PPP1R12B: variants seen among roughly 807,000 people sequenced by gnomAD.
PPP1R12B encodes myosin phosphatase target subunit 2.
In PPP1R12B, 76 loss-of-function variants were observed where a neutral mutation model predicts 126.1. That is an observed-to-expected ratio of 0.60 (90% CI 0.50 to 0.73). The LOEUF (loss-of-function observed/expected upper bound fraction) is 0.73, where lower values mean the gene tolerates loss of function less well. Ranked by LOEUF, PPP1R12B falls within the 30% of genes least tolerant of loss-of-function variation. The pLI is 0.00. For synonymous variants in PPP1R12B, 356 were observed against 434.7 expected (o/e 0.82, Z 2.25); for missense variants, 1,052 against 1,205.1 (o/e 0.87, Z 1.88).
chr1:202,364,973 A>G (rs1445528164), intron 1 of PPP1R12B, among the ~76,000 whole-genome samples: 1 of 152,202 alleles, frequency 6.6e-6, no homozygotes, highest in African/African-American at 2.4e-5. Context: ...CAGCCTCCCA[A>G]AGTGCTGGGA....
chr1:202,533,511 G>C (rs762214404), intron 18 of PPP1R12B, among the ~76,000 whole-genome samples: 3 of 151,948 alleles, frequency 2.0e-5, no homozygotes, highest in Non-Finnish European at 2.9e-5. Flanking sequence ...TAGAGACGGG[G>C]TTTTATGACA....
chr1:202,532,749 C>T (rs1179010308), intron 18 of PPP1R12B, among the ~76,000 whole-genome samples: 2 of 151,370 alleles, frequency 1.3e-5, no homozygotes, highest in Admixed American at 1.3e-4. Context: ...GCCCCTTTCT[C>T]ACTGTAGTGA....
chr1:202,406,766 G>C (rs1666653241), intron 1 of PPP1R12B, among the ~76,000 whole-genome samples: 2 of 152,116 alleles, frequency 1.3e-5, no homozygotes, highest in African/African-American at 4.8e-5. Flanking sequence ...AGTCTGTAAA[G>C]GTGTATCATT....
chr1:202,351,881 T>C (rs1349546607), intron 1 of PPP1R12B, among the ~76,000 whole-genome samples: 1 of 152,210 alleles, frequency 6.6e-6, no homozygotes, highest in Non-Finnish European at 1.5e-5. Flanking sequence ...GGTGCCTTGA[T>C]GCTTCTTTTG....
intron 1 of PPP1R12B, among the ~76,000 whole-genome samples, chr1:202,412,354 G>A (rs1334065057): frequency 6.6e-6 from 1 of 152,174 alleles, no homozygotes; most frequent in Non-Finnish European, 1.5e-5. Flanking sequence ...GAAGAGAACT[G>A]AAGTAGTGAT....
chr1:202,364,663 G>A (rs983915797), intron 1 of PPP1R12B, among the ~76,000 whole-genome samples: 3 of 151,878 alleles, frequency 2.0e-5, no homozygotes, highest in Admixed American at 6.6e-5. Context: ...TGCAAGCTCC[G>A]CCTCCTGGGT....
At chr1:202,355,771 G>A (rs920087696) in intron 1 of PPP1R12B, among the ~76,000 whole-genome samples, 9 of 152,214 alleles carry the variant, frequency 5.9e-5, no homozygotes, top group African/African-American at 2.2e-4. Context: ...AGAAAAAAGT[G>A]TAGTACAATT....
chr1:202,479,752 T>C (rs1677122702), intron 13 of PPP1R12B, among the ~76,000 whole-genome samples: 1 of 152,220 alleles, frequency 6.6e-6, no homozygotes, highest in South Asian at 2.1e-4. Flanking sequence ...ACCAGCAGTG[T>C]CATCTGAACT....
intron 1 of PPP1R12B, among the ~76,000 whole-genome samples, chr1:202,408,475 C>T (rs957458438): frequency 7.2e-5 from 11 of 152,122 alleles, no homozygotes; most frequent in African/African-American, 2.7e-4. Flanking sequence ...TTTTCAGTTA[C>T]TAGTAAGGAT....
intron 1 of PPP1R12B, among the ~76,000 whole-genome samples, chr1:202,351,393 C>T (rs1655978787): frequency 6.6e-6 from 1 of 152,196 alleles, no homozygotes. Flanking sequence ...TGCCCACCAC[C>T]ATGCCCAGCT....
At chr1:202,364,793 A>G (rs564035176) in intron 1 of PPP1R12B, among the ~76,000 whole-genome samples, 41 of 152,054 alleles carry the variant, frequency 2.7e-4, no homozygotes, top group Non-Finnish European at 3.8e-4. Context: ...AGCCAGGATG[A>G]TCTCGATCTC....
At chr1:202,561,368 A>G (rs1200446680) in intron 19 of PPP1R12B, among the ~76,000 whole-genome samples, 2 of 151,678 alleles carry the variant, frequency 1.3e-5, no homozygotes, top group Non-Finnish European at 2.9e-5. Context: ...CAGGCATGTA[A>G]TGGAGAAGAC....
In PPP1R12B at chr1:202,364,590, T is replaced by A. The variant is rs192893314; in HGVS notation, c.291+15448T>A. 7.4e-3 allele frequency among the ~76,000 whole-genome samples: 1,121 copies of A among 151,930 alleles called. 10 individuals are homozygous for A. The highest frequency in any genetic ancestry group is 0.024 in the African/African-American group (1,000 of 41,484). On this transcript the variant is annotated intron_variant, in intron 1 of 23. Transcript: ENST00000608999. ...TTTATTTATTTTTATTTATTTATTTTTTTTGAGACGGAGTCTTGCTCTGTC... is the reference window on the plus strand; with the variant it reads ...TTTATTTATTTTTATTTATTTATTTATTTTGAGACGGAGTCTTGCTCTGTC...
intron 13 of PPP1R12B, among the ~76,000 whole-genome samples, chr1:202,483,342 G>A (rs1478363270): frequency 3.4e-5 from 5 of 148,608 alleles, no homozygotes; most frequent in East Asian, 2.0e-4. Flanking sequence ...TGCAGTAGGC[G>A]CAATCTTGGC....
At chr1:202,510,413 A>G (rs1252537334) in intron 18 of PPP1R12B, among the ~76,000 whole-genome samples, 1 of 152,212 alleles carries the variant, frequency 6.6e-6, no homozygotes, top group Non-Finnish European at 1.5e-5. Context: ...CTGGAAATCT[A>G]TATTGTAAAG....
chr1:202,349,276 G>A, intron 1 of PPP1R12B, 134 bp downstream of exon 1: 2 of 1,098,410 alleles, frequency 1.8e-6, no homozygotes, highest in South Asian at 3.0e-5. Context: ...GGGCTAATCG[G>A]TTTCATTCTT....
chr1:202,492,441 C>G (rs958144417), intron 14 of PPP1R12B, among the ~76,000 whole-genome samples: 3 of 152,200 alleles, frequency 2.0e-5, no homozygotes, highest in Non-Finnish European at 4.4e-5. Flanking sequence ...ATGCACATAA[C>G]TACTTGAGTT....
chr1:202,351,133 C>T (rs1013100217), intron 1 of PPP1R12B, among the ~76,000 whole-genome samples: 3 of 151,870 alleles, frequency 2.0e-5, no homozygotes, highest in African/African-American at 4.8e-5. Context: ...ATCAAGACAA[C>T]GGGCCTTTAT....
At chr1:202,572,953 C>T (rs530929238) in intron 23 of PPP1R12B, among the ~76,000 whole-genome samples, 1 of 152,190 alleles carries the variant, frequency 6.6e-6, no homozygotes, top group Non-Finnish European at 1.5e-5. Flanking sequence ...ATGCTGATAA[C>T]TTCCAAATTC....
Sources: allele counts gnomAD v4.1 joint callset (sites outside exome capture counted in the v4.1 genomes callset), GRCh38; gene constraint gnomAD v4.1.1; transcripts MANE v1.5; gene names NCBI Gene and HGNC (gene_info 2026-07-23, HGNC 2026-07-21).